The following ATP6V0A4 variants were observed in gnomAD, a reference collection of about 807,000 sequenced individuals.
The protein encoded by ATP6V0A4 is V-type proton ATPase 116 kDa subunit a 4.
ATP6V0A4 carries 86 observed loss-of-function variants against 107.3 expected under a neutral mutation model. The observed-to-expected ratio is 0.80, with a 90% CI of 0.67 to 0.96. The LOEUF (loss-of-function observed/expected upper bound fraction) is 0.96, where lower values mean the gene tolerates loss of function less well. Among genes scored for constraint, ATP6V0A4 ranks in the 40% least tolerant of loss-of-function variants. ATP6V0A4 has a pLI of 0.00. For synonymous variants in ATP6V0A4, 353 were observed against 381.4 expected, an observed-to-expected ratio of 0.93 and a Z score of 0.87; for missense variants, 908 against 1,045.6, an observed-to-expected ratio of 0.87 and a Z score of 1.81.
At chr7:138,744,775 T>C (rs1192454974) in intron 14 of ATP6V0A4, among the ~76,000 whole-genome samples, 1 of 152,018 alleles carries the variant, frequency 6.6e-6, no homozygotes, top group Admixed American at 6.6e-5. Flanking sequence ...CAATCTCAGC[T>C]CACTGCAACC....
intron 1 of ATP6V0A4, among the ~76,000 whole-genome samples, chr7:138,796,663 T>A (rs1808679546): frequency 6.6e-6 from 1 of 152,190 alleles, no homozygotes; most frequent in Non-Finnish European, 1.5e-5. Context: ...TCTCTGTGAA[T>A]CCTTCCCCTA....
At chr7:138,791,340 A>G (rs149358389) in intron 1 of ATP6V0A4, among the ~76,000 whole-genome samples, 2 of 152,308 alleles carry the variant, frequency 1.3e-5, no homozygotes, top group African/African-American at 4.8e-5. Flanking sequence ...AAGGTAAGAG[A>G]ATTACAGGAT....
rs1469722754 is a variant in ATP6V0A4 at position 138,745,299 on chromosome 7, A to C, written c.1321-19T>G. ...TCCAAATCTGGCCTCAGAGAGACAG[A>C]GAGGATGATTGTCAGTGGGCTCTGA... On this transcript the variant is annotated intron_variant, in intron 13 of 21. Coordinates refer to ENST00000310018, the MANE Select transcript of ATP6V0A4 (RefSeq NM_020632.3). 6.2e-7 allele frequency: 1 copy of C among 1,613,802 alleles called. No individual in the cohort carries two copies. Among genetic ancestry groups the C allele is most frequent in the African/African-American group, 1.3e-5 (1 of 75,036 alleles).
intron 3 of ATP6V0A4, among the ~76,000 whole-genome samples, chr7:138,770,023 C>T (rs1026191265): frequency 5.3e-5 from 8 of 152,082 alleles, no homozygotes; most frequent in Admixed American, 6.5e-5. Flanking sequence ...TGCACTCCAG[C>T]CTGGGCTACA....
At chr7:138,767,644 CAAA>C (rs201479201) in intron 5 of ATP6V0A4, among the ~76,000 whole-genome samples, 1 of 97,394 alleles carries the variant, frequency 1.0e-5, no homozygotes. Context: ...AAGTTATCTT[CAAA>C]AAAAAAAAAA....
At chr7:138,714,243 A>G (rs1803910751) in intron 20 of ATP6V0A4, among the ~76,000 whole-genome samples, 1 of 149,984 alleles carries the variant, frequency 6.7e-6, no homozygotes, top group Non-Finnish European at 1.5e-5. Context: ...CTTAGGAAAA[A>G]AAAAAAAAAC....
intron 5 of ATP6V0A4, among the ~76,000 whole-genome samples, chr7:138,765,841 C>T (rs1342955393): frequency 6.6e-6 from 1 of 152,190 alleles, no homozygotes; most frequent in Non-Finnish European, 1.5e-5. Flanking sequence ...ACAGCCTCCA[C>T]CTTCTGGTAG....
intron 20 of ATP6V0A4, among the ~76,000 whole-genome samples, chr7:138,710,284 C>T (rs562556240): frequency 4.0e-5 from 6 of 151,710 alleles, no homozygotes; most frequent in South Asian, 4.2e-4. Context: ...CTCTACCTCC[C>T]GAGTTCAAGC....
At chr7:138,716,126 G>C (rs1488086175) in intron 19 of ATP6V0A4, among the ~76,000 whole-genome samples, 1 of 152,232 alleles carries the variant, frequency 6.6e-6, no homozygotes, top group East Asian at 1.9e-4. Flanking sequence ...GGTGGTAAGG[G>C]GAGATGAGAT....
intron 14 of ATP6V0A4, among the ~76,000 whole-genome samples, chr7:138,742,242 C>A (rs1805668453): frequency 6.6e-6 from 1 of 152,040 alleles, no homozygotes; most frequent in East Asian, 1.9e-4. Flanking sequence ...GCCTGGCCAA[C>A]ATGGTGAAAC....
intron 20 of ATP6V0A4, among the ~76,000 whole-genome samples, chr7:138,711,113 G>A (rs2117181218): frequency 6.6e-6 from 1 of 151,006 alleles, no homozygotes; most frequent in Non-Finnish European, 1.5e-5. Context: ...TACCTCCTCA[G>A]CTGTTTCCCA....
chr7:138,735,847 A>T (rs113098100), intron 15 of ATP6V0A4, among the ~76,000 whole-genome samples: 4,572 of 35,306 alleles, frequency 0.13, 223 homozygotes, highest in African/African-American at 0.31. Context: ...TCACGCTTGT[A>T]ATCCTACCAT....
At chr7:138,797,966 A>C in intron 1 of ATP6V0A4, 68 bp downstream of exon 1, 1 of 1,541,632 alleles carries the variant, frequency 6.5e-7, no homozygotes, top group Non-Finnish European at 8.7e-7. Context: ...TGTTTCCCCC[A>C]AACACCCAGC....
chr7:138,755,169 G>T (rs923461639), intron 10 of ATP6V0A4, among the ~76,000 whole-genome samples: 2 of 152,178 alleles, frequency 1.3e-5, no homozygotes, highest in South Asian at 2.1e-4. Flanking sequence ...ATTGAAGAAA[G>T]ATTTCTGATC....
At chr7:138,797,208 C>CTA (rs1465667667) in intron 1 of ATP6V0A4, among the ~76,000 whole-genome samples, 15 of 96,112 alleles carry the variant, frequency 1.6e-4, no homozygotes, top group Admixed American at 4.9e-4. Flanking sequence ...ATGCCATTTT[C>CTA]TTTTTTTTTT....
At position 138,768,569 on chromosome 7, in the gene ATP6V0A4, C is replaced by G. The variant is rs10239429; in HGVS notation, c.291+211G>C. Among the ~76,000 whole-genome samples, 27,368 of 152,060 alleles carry G rather than the reference C, an allele frequency of 0.18. 2,526 individuals carry two copies. Among genetic ancestry groups the G allele is most frequent in the African/African-American group, 0.21 (8,901 of 41,448 alleles). On this transcript the variant is annotated intron_variant, in intron 5 of 21. Transcript: ENST00000310018. Reference sequence around the variant, plus strand: ...CGAGGGCTATGCTGAGAAAGGAAAACAGCTGTCTCCAGATCAGCAGGTGTG... The same window carrying G: ...CGAGGGCTATGCTGAGAAAGGAAAAGAGCTGTCTCCAGATCAGCAGGTGTG...
At chr7:138,717,199 T>TCCCGGCTGG (rs1357861689) in intron 19 of ATP6V0A4, among the ~76,000 whole-genome samples, 1 of 151,920 alleles carries the variant, frequency 6.6e-6, no homozygotes, top group East Asian at 1.9e-4. Flanking sequence ...CGAAGAAAAG[T>TCCCGGCTGG]CCCGGCTGGA....
At chr7:138,719,123 C>G (rs1804302228) in intron 19 of ATP6V0A4, among the ~76,000 whole-genome samples, 1 of 152,004 alleles carries the variant, frequency 6.6e-6, no homozygotes, top group South Asian at 2.1e-4. Flanking sequence ...GAGGTCAAGG[C>G]TGCTGTGAGC....
At chr7:138,754,384 G>T (rs2117295442) in intron 10 of ATP6V0A4, among the ~76,000 whole-genome samples, 1 of 150,020 alleles carries the variant, frequency 6.7e-6, no homozygotes, top group African/African-American at 2.5e-5. Flanking sequence ...GGAGGCGGAG[G>T]TTGCGGTGAG....
Sources: allele counts gnomAD v4.1 joint callset (sites outside exome capture counted in the v4.1 genomes callset), GRCh38; gene constraint gnomAD v4.1.1; transcripts MANE v1.5; gene names NCBI Gene and HGNC (gene_info 2026-07-23, HGNC 2026-07-21).